Variants in WWOX observed in about 807,000 individuals in gnomAD.
WWOX encodes the protein WW domain-containing oxidoreductase.
WWOX carries 69 observed loss-of-function variants against 46.2 expected under a neutral mutation model. The observed-to-expected ratio is 1.49, with a 90% CI of 1.23 to 1.82. The LOEUF (loss-of-function observed/expected upper bound fraction) is 1.82. Among genes scored for constraint, WWOX ranks in the 40% most tolerant of loss-of-function variants. WWOX has a pLI of 0.00. For missense variants in WWOX, 919 were observed against 542.6 expected (o/e 1.69, Z -6.89); for synonymous variants, 359 against 202.6 (o/e 1.77, Z -6.56).
At chr16:79,209,911 A>C (rs1265423384) in intron 8 of WWOX, among the ~76,000 whole-genome samples, 1 of 152,224 alleles carries the variant, frequency 6.6e-6, no homozygotes, top group African/African-American at 2.4e-5. Flanking sequence ...TTTCCATTAG[A>C]CTTGAGCCAC....
At chr16:78,255,609 G>T (rs952846635) in intron 5 of WWOX, among the ~76,000 whole-genome samples, 1 of 152,038 alleles carries the variant, frequency 6.6e-6, no homozygotes, top group Non-Finnish European at 1.5e-5. Context: ...CAAAAGAAGG[G>T]CATCTTCTTC....
intron 4 of WWOX, among the ~76,000 whole-genome samples, chr16:78,145,246 AGGG>A (rs1182003192): frequency 6.6e-6 from 1 of 152,090 alleles, no homozygotes; most frequent in African/African-American, 2.4e-5. Context: ...ATATTTATGA[AGGG>A]GAGTTTATTA....
intron 8 of WWOX, among the ~76,000 whole-genome samples, chr16:78,814,254 C>T (rs1167644875): frequency 6.6e-6 from 1 of 152,154 alleles, no homozygotes; most frequent in South Asian, 2.1e-4. Flanking sequence ...AATTTTTCAT[C>T]TTTCTGGAAT....
At chr16:78,376,933 A>G (rs772586996) in intron 5 of WWOX, among the ~76,000 whole-genome samples, 16 of 152,206 alleles carry the variant, frequency 1.1e-4, no homozygotes, top group Admixed American at 6.5e-5. Flanking sequence ...CAGAACAGAC[A>G]AATCTTGTTT....
In WWOX at chr16:78,985,104, T is replaced by C. The variant is rs377482310; in HGVS notation, c.1057-226504T>C. Among the ~76,000 whole-genome samples, 144 of 152,324 alleles carry C rather than the reference T, an allele frequency of 9.5e-4. 2 individuals carry two copies. The South Asian group carries it at 0.023, about 25-fold the overall frequency. On this transcript the variant is annotated intron_variant, in intron 8 of 8. Transcript: ENST00000566780. ...CCAGTTTTTGGACTTTGTAACTGTTTCCGAACGGATCAGATTCCATCTGAA... is the reference window on the plus strand; with the variant it reads ...CCAGTTTTTGGACTTTGTAACTGTTCCCGAACGGATCAGATTCCATCTGAA...
intron 8 of WWOX, among the ~76,000 whole-genome samples, chr16:78,540,673 A>AT (rs546997797): frequency 1.2e-3 from 183 of 151,526 alleles, no homozygotes; most frequent in African/African-American, 4.3e-3. Flanking sequence ...GCTCCTGCAA[A>AT]TTTTATCTAG....
chr16:78,505,879 C>A (rs866022098), intron 8 of WWOX, among the ~76,000 whole-genome samples: 7 of 152,262 alleles, frequency 4.6e-5, no homozygotes, highest in Middle Eastern at 3.4e-3. Flanking sequence ...GAGGAAGATT[C>A]GGCCTTTCTC....
At chr16:78,309,707 C>A (rs1054817650) in intron 5 of WWOX, among the ~76,000 whole-genome samples, 1 of 152,158 alleles carries the variant, frequency 6.6e-6, no homozygotes. Context: ...TTCACTCTTT[C>A]AATCAACGTA....
chr16:78,220,580 A>G (rs1287786176), intron 5 of WWOX, among the ~76,000 whole-genome samples: 1 of 152,180 alleles, frequency 6.6e-6, no homozygotes. Flanking sequence ...TAGCTTGGGT[A>G]TTAACCTTTA....
chr16:78,586,425 C>T (rs1006158191), intron 8 of WWOX, among the ~76,000 whole-genome samples: 1 of 152,082 alleles, frequency 6.6e-6, no homozygotes, highest in African/African-American at 2.4e-5. Context: ...GATTTCTTCT[C>T]CTTTAGTTTT....
chr16:78,105,133 C>T (rs1011824253), intron 1 of WWOX, among the ~76,000 whole-genome samples: 2 of 152,170 alleles, frequency 1.3e-5, no homozygotes, highest in East Asian at 3.9e-4. Context: ...ATCTGATGGG[C>T]AGAGGCCAGT....
intron 8 of WWOX, among the ~76,000 whole-genome samples, chr16:78,817,254 A>T (rs143139548): frequency 3.1e-4 from 41 of 131,906 alleles, no homozygotes; most frequent in Middle Eastern, 5.1e-3. Flanking sequence ...AGCCAACTGC[A>T]GTTTCAAAGT....
At chr16:78,759,235 G>T (rs989134342) in intron 8 of WWOX, among the ~76,000 whole-genome samples, 2 of 152,166 alleles carry the variant, frequency 1.3e-5, no homozygotes, top group South Asian at 4.1e-4. Context: ...ACCCATTTCA[G>T]GTGAATGCCA....
intron 5 of WWOX, among the ~76,000 whole-genome samples, chr16:78,334,808 GCA>G (rs752956790): frequency 1.8e-3 from 143 of 78,792 alleles, no homozygotes; most frequent in South Asian, 6.4e-3. Context: ...ACACACACAC[GCA>G]CACACACACA....
At chr16:78,973,375 C>G (rs374595448) in intron 8 of WWOX, among the ~76,000 whole-genome samples, 46 of 152,092 alleles carry the variant, frequency 3.0e-4, no homozygotes, top group Non-Finnish European at 4.9e-4. Flanking sequence ...TAGAACTGTT[C>G]TAGAACGATC....
At chr16:79,009,598 A>G (rs186448902) in intron 8 of WWOX, among the ~76,000 whole-genome samples, 21 of 152,202 alleles carry the variant, frequency 1.4e-4, no homozygotes, top group Admixed American at 9.8e-4. Flanking sequence ...CCATAGGCAC[A>G]TGCCACCACA....
intron 8 of WWOX, among the ~76,000 whole-genome samples, chr16:78,819,789 G>A (rs183052757): frequency 4.6e-5 from 7 of 152,302 alleles, no homozygotes; most frequent in Admixed American, 2.6e-4. Flanking sequence ...ATTTTCATCC[G>A]TAAACAAAGC....
At chr16:78,219,650 C>G (rs747687642) in intron 5 of WWOX, among the ~76,000 whole-genome samples, 1 of 152,118 alleles carries the variant, frequency 6.6e-6, no homozygotes, top group Non-Finnish European at 1.5e-5. Flanking sequence ...CTTTTGCTTT[C>G]TCTCTCATAT....
chr16:78,894,954 C>T (rs1041645147), intron 8 of WWOX, among the ~76,000 whole-genome samples: 2 of 152,118 alleles, frequency 1.3e-5, no homozygotes, highest in African/African-American at 4.8e-5. Flanking sequence ...CCAATGGATC[C>T]ACCCAGGATC....
Sources: gnomAD v4.1 joint callset for allele counts (sites outside exome capture counted in the v4.1 genomes callset) on GRCh38, gnomAD v4.1.1 for gene constraint, MANE v1.5 for transcripts, NCBI Gene and HGNC (gene_info 2026-07-23, HGNC 2026-07-21) for gene names.